Variants in ELAVL4 observed in about 807,000 individuals in gnomAD.
The protein encoded by ELAVL4 is ELAV like RNA binding protein 4.
Under a neutral mutation model 35.6 loss-of-function variants are expected in ELAVL4, and 1 was observed. That is an observed-to-expected ratio of 0.03 (90% confidence interval 0.01 to 0.13). The LOEUF (loss-of-function observed/expected upper bound fraction) is 0.13, where lower values mean the gene tolerates loss of function less well. Among genes scored for constraint, ELAVL4 ranks in the 10% least tolerant of loss-of-function variants. ELAVL4 has a pLI of 1.00. For synonymous variants in ELAVL4, 156 were observed against 171.0 expected (o/e 0.91, Z 0.69); for missense variants, 267 against 464.9 (o/e 0.57, Z 3.91).
chr1:50,195,567 C>G lies in ELAVL4; in HGVS notation c.515C>G (p.Ser172Cys). The change falls in exon 5 of 7, where the codon TCC becomes TGC. Residue 172 changes from serine to cysteine, a missense_variant. By Grantham distance (112) the Ser-to-Cys change is moderately radical. This residue lies in a region of ELAVL4 where 216 missense variants were observed against 409.5 expected (regional missense o/e 0.53). Coordinates refer to ENST00000371824, the MANE Select transcript of ELAVL4 (RefSeq NM_001144774.3). ...GCTCTTTCTCTTTCCCCAGGAGTGT[C>G]CAGAGGGGTGGGATTCATCCGCTTT... ...RILVDQVTGV[S>C]RGVGFIRFDK... 2 of 1,614,042 alleles carry G rather than the reference C, an allele frequency of 1.2e-6. No homozygotes were observed. Among genetic ancestry groups the G allele is most frequent in the Non-Finnish European group, 1.7e-6 (2 of 1,179,962 alleles).
At chr1:50,133,629 A>AAGAAAGAAAG (rs1483267714) in intron 1 of ELAVL4, among the ~76,000 whole-genome samples, 1 of 149,958 alleles carries the variant, frequency 6.7e-6, no homozygotes, top group Non-Finnish European at 1.5e-5. Context: ...GAAAGAAAGA[A>AAGAAAGAAAG]AGAAAGAAAG....
At chr1:50,154,322 T>C (rs1675336985) in intron 2 of ELAVL4, among the ~76,000 whole-genome samples, 1 of 152,256 alleles carries the variant, frequency 6.6e-6, no homozygotes, top group African/African-American at 2.4e-5. Context: ...GTCTGTGATC[T>C]GAGAACCATT....
In ELAVL4 at chr1:50,118,204, T is replaced by A. The variant is rs537402021; in HGVS notation, c.9+9006T>A. On this transcript the variant is annotated intron_variant, in intron 1 of 6. Transcript: ENST00000371824. Reference sequence around the variant, plus strand: ...TTCCCAGAAACCAACTTACTTCAGATCTATTTTTTTTCCTTTTCACTGTAT... The same window carrying A: ...TTCCCAGAAACCAACTTACTTCAGAACTATTTTTTTTCCTTTTCACTGTAT... 2.0e-5 allele frequency among the ~76,000 whole-genome samples: 3 copies of A among 151,958 alleles called. No homozygotes were observed. The South Asian group carries it at 6.2e-4, about 31-fold the overall frequency.
chr1:50,060,101 A>G (rs1663882110), intron 1 of ELAVL4, among the ~76,000 whole-genome samples: 1 of 152,214 alleles, frequency 6.6e-6, no homozygotes, highest in African/African-American at 2.4e-5. Context: ...TATAAATTTT[A>G]TCTCAATAAA....
intron 4 of ELAVL4, among the ~76,000 whole-genome samples, chr1:50,194,984 A>G (rs1415230255): frequency 6.6e-6 from 1 of 152,184 alleles, no homozygotes; most frequent in South Asian, 2.1e-4. Context: ...AGATTGCCAG[A>G]GGCATTGAAT....
Position 50,129,938 on chromosome 1 carries a change from C to A in ELAVL4, c.10-15019C>A, listed in dbSNP as rs1670583439. Among the ~76,000 whole-genome samples, 3 of 152,102 alleles carry A rather than the reference C, an allele frequency of 2.0e-5. No individual in the cohort carries two copies. The South Asian group carries it at 6.2e-4, about 31-fold the overall frequency. ...AGATTTGTTGTTTTTCTCACAGCAA[C>A]CCTGCAAGACAGATAGAATTGTTCA... On this transcript the variant is annotated intron_variant, in intron 1 of 6. Transcript: ENST00000371824.
intron 1 of ELAVL4, among the ~76,000 whole-genome samples, chr1:50,074,113 T>A (rs1429279533): frequency 6.6e-6 from 1 of 152,226 alleles, no homozygotes; most frequent in Non-Finnish European, 1.5e-5. Context: ...ATAGATGTGC[T>A]GGCCTGGCTG....
At chr1:50,176,508 T>C (rs1168791642) in intron 2 of ELAVL4, among the ~76,000 whole-genome samples, 1 of 152,158 alleles carries the variant, frequency 6.6e-6, no homozygotes, top group Admixed American at 6.5e-5. Flanking sequence ...CTTGCCTCAA[T>C]TTTACAGGCC....
At chr1:50,112,015 G>A (rs1667156268) in intron 1 of ELAVL4, among the ~76,000 whole-genome samples, 1 of 152,012 alleles carries the variant, frequency 6.6e-6, no homozygotes, top group Non-Finnish European at 1.5e-5. Flanking sequence ...TAAAAGATTA[G>A]GAAATATAAT....
chr1:50,063,511 C>T (rs1179785066), intron 1 of ELAVL4, among the ~76,000 whole-genome samples: 24 of 152,162 alleles, frequency 1.6e-4, no homozygotes, highest in Admixed American at 1.6e-3. Flanking sequence ...GTCTCCAGAT[C>T]TCTGTTCCTA....
chr1:50,183,915 A>AT (rs1681432652), intron 3 of ELAVL4, among the ~76,000 whole-genome samples: 1 of 152,078 alleles, frequency 6.6e-6, no homozygotes, highest in African/African-American at 2.4e-5. Flanking sequence ...GTAAAAAGGC[A>AT]TTTTCTCTCC....
chr1:50,069,596 G>A (rs957472364), intron 1 of ELAVL4, among the ~76,000 whole-genome samples: 2 of 152,076 alleles, frequency 1.3e-5, no homozygotes, highest in Non-Finnish European at 2.9e-5. Context: ...ATTTATTCTT[G>A]GCATCATTGT....
intron 1 of ELAVL4, among the ~76,000 whole-genome samples, chr1:50,065,940 G>T (rs939337730): frequency 6.6e-6 from 1 of 152,090 alleles, no homozygotes; most frequent in African/African-American, 2.4e-5. Context: ...TGACAGCTGG[G>T]CAGGGTACCA....
intron 1 of ELAVL4, among the ~76,000 whole-genome samples, chr1:50,137,052 A>G (rs1020823739): frequency 1.3e-5 from 2 of 152,186 alleles, no homozygotes; most frequent in Non-Finnish European, 2.9e-5. Flanking sequence ...GGTCGTATGT[A>G]GGTAAAGTGG....
intron 1 of ELAVL4, among the ~76,000 whole-genome samples, chr1:50,090,866 A>C (rs1665462667): frequency 6.6e-6 from 1 of 152,190 alleles, no homozygotes; most frequent in South Asian, 2.1e-4. Flanking sequence ...AGGAAATAGG[A>C]CTGGGTGGAC....
In ELAVL4 at chr1:50,110,051, A is replaced by G. The variant is rs112528312; in HGVS notation, c.9+853A>G. ...TGCTTGTATGTGTGTATGTGTAAGGATGCTGGACTGTGCATCGTAAATCAC... is the reference window on the plus strand; with the variant it reads ...TGCTTGTATGTGTGTATGTGTAAGGGTGCTGGACTGTGCATCGTAAATCAC... On this transcript the variant is annotated intron_variant, in intron 1 of 6. Transcript: ENST00000371824. The G allele has an allele frequency of 7.7e-5, 117 of 1,514,316 alleles. 1 individual carries two copies. The African/African-American group carries it at 1.2e-3, about 16-fold the overall frequency. The allele number at this position is 1,514,316 out of a possible 1,614,324, so 93.8% of individuals were successfully genotyped here.
At chr1:50,155,273 A>T (rs17105974) in intron 2 of ELAVL4, among the ~76,000 whole-genome samples, 1 of 147,168 alleles carries the variant, frequency 6.8e-6, no homozygotes, top group Non-Finnish European at 1.5e-5. Context: ...CTTTACATCA[A>T]TGAAAATGAA....
chr1:50,136,066 G>A (rs565327714), intron 1 of ELAVL4, among the ~76,000 whole-genome samples: 4 of 152,128 alleles, frequency 2.6e-5, no homozygotes, highest in South Asian at 4.1e-4. Context: ...GGACTTGAGC[G>A]AATTAAAGCC....
intron 1 of ELAVL4, among the ~76,000 whole-genome samples, chr1:50,132,239 T>G (rs529737276): frequency 2.0e-5 from 3 of 152,298 alleles, no homozygotes; most frequent in African/African-American, 7.2e-5. Flanking sequence ...GTGTCATACA[T>G]TCACAAGATG....
Sources: gnomAD v4.1 joint callset for allele counts (sites outside exome capture counted in the v4.1 genomes callset) on GRCh38, gnomAD v4.1.1 for gene constraint, gnomAD v4.1.1 regional missense constraint, MANE v1.5 for transcripts, NCBI Gene and HGNC (gene_info 2026-07-23, HGNC 2026-07-21) for gene names.